ZNF483: variants seen among roughly 807,000 people sequenced by gnomAD.
ZNF483 encodes zinc finger protein HIT-10.
Under a neutral mutation model 28.6 loss-of-function variants are expected in ZNF483, and 9 were observed. That is an observed-to-expected ratio of 0.32 (90% CI 0.19 to 0.55). The LOEUF (loss-of-function observed/expected upper bound fraction) is 0.55, where lower values mean the gene tolerates loss of function less well. Among genes scored for constraint, ZNF483 ranks in the 20% least tolerant of loss-of-function variants. ZNF483 has a pLI of 0.93. For synonymous variants in ZNF483, 322 were observed against 306.2 expected (o/e 1.05, Z -0.54); for missense variants, 675 against 871.7 (o/e 0.77, Z 2.84).
At chr9:111,536,720 G>A (rs764722388) in intron 5 of ZNF483, among the ~76,000 whole-genome samples, 16 of 138,470 alleles carry the variant, frequency 1.2e-4, no homozygotes, top group South Asian at 2.3e-4. Flanking sequence ...CCCCGCCCCC[G>A]TACAGTTGAA....
At chr9:111,559,167 A>G (rs761270757), downstream of ZNF483, among the ~76,000 whole-genome samples, 8 of 151,854 alleles carry the variant, frequency 5.3e-5, no homozygotes, top group East Asian at 1.9e-4. Context: ...TTGGGATCCA[A>G]CCGCCCATAC....
Position 111,527,627 on chromosome 9 carries a change from A to G in ZNF483, c.232A>G (p.Asn78Asp), listed in dbSNP as rs766800106. Reference sequence around the variant, plus strand: ...TCTGAGTCAACTCTGGGAGCTCTGCAATCAGTGGCTGAGACCAGACATTCA... The same window carrying G: ...TCTGAGTCAACTCTGGGAGCTCTGCGATCAGTGGCTGAGACCAGACATTCA... Reference protein sequence around the residue: ...KALSQLWELCNQWLRPDIHTK... With the variant: ...KALSQLWELCDQWLRPDIHTK... The change falls in exon 2 of 6, where the codon AAT (asparagine) becomes GAT (aspartate). Residue 78 changes from asparagine to aspartate, a missense_variant. Physicochemically the swap from Asn to Asp is conservative, Grantham distance 23 (BLOSUM62 1). Coordinates refer to ENST00000309235, the MANE Select transcript of ZNF483 (RefSeq NM_133464.5). The G allele has an allele frequency of 1.9e-6, 3 of 1,614,190 alleles. No individual in the cohort carries two copies. The highest frequency in any genetic ancestry group is 2.5e-6 in the Non-Finnish European group (3 of 1,180,040).
intron 5 of ZNF483, among the ~76,000 whole-genome samples, chr9:111,572,938 A>G (rs80137566): frequency 6.6e-6 from 1 of 152,010 alleles, no homozygotes; most frequent in Non-Finnish European, 1.5e-5. Context: ...TTTTACTGAG[A>G]GCAAAAAAGC....
At chr9:111,528,147 T>A in intron 2 of ZNF483, 1 of 956,222 alleles carries the variant, frequency 1.0e-6, no homozygotes, top group South Asian at 1.9e-5. Flanking sequence ...GTGTTTGGAG[T>A]CACAGGCAAA....
In ZNF483 at chr9:111,555,127, A is replaced by C. The variant is rs1828084469; in HGVS notation, c.*11957A>C. Among the ~76,000 whole-genome samples the C allele has an allele frequency of 6.6e-6, 1 of 152,120 alleles. No homozygotes were observed. Among genetic ancestry groups the C allele is most frequent in the Non-Finnish European group, 1.5e-5 (1 of 68,032 alleles). On this transcript the variant is annotated 3_prime_UTR_variant, in exon 6 of 6. Transcript: ENST00000309235. Reference sequence around the variant, plus strand: ...TTCATCCCCTTTTATTCAGACTTCCACTTAGTATCCTGTTTTTAGTCTTCT... The same window carrying C: ...TTCATCCCCTTTTATTCAGACTTCCCCTTAGTATCCTGTTTTTAGTCTTCT...
rs894107950 is a variant in ZNF483, at chr9:111,568,143, C to T, written c.722-8222C>T. The stretch of plus-strand genomic sequence containing the variant: ...GACAACCATAAGGTCTAACTGCCTG[C>T]GGGGTTGGGAAAAACACAGCCATAT... On this transcript the variant is annotated intron_variant, in intron 5 of 5. Transcript: ENST00000358151. Among the ~76,000 whole-genome samples, 8 of 152,144 alleles carry T rather than the reference C, an allele frequency of 5.3e-5. No homozygotes were observed. The East Asian group carries it at 5.8e-4, about 11-fold the overall frequency.
intron 5 of ZNF483, among the ~76,000 whole-genome samples, chr9:111,569,472 G>A (rs930745026): frequency 3.3e-5 from 5 of 152,212 alleles, no homozygotes; most frequent in Non-Finnish European, 5.9e-5. Context: ...AGGGTCCCCT[G>A]TGACCTTGAC....
In ZNF483 at chr9:111,550,175, G is replaced by A. The variant is rs1479549622; in HGVS notation, c.*7005G>A. 6.6e-6 allele frequency among the ~76,000 whole-genome samples: 1 copy of A among 152,104 alleles called. No individual in the cohort carries two copies. Among genetic ancestry groups the A allele is most frequent in the South Asian group, 2.1e-4 (1 of 4,830 alleles). On this transcript the variant is annotated 3_prime_UTR_variant, in exon 6 of 6. Transcript: ENST00000309235. ...TGTCTCAATTCTTTACAGAGCCTGC[G>A]TTTTTCCCTGGGCGGGAGCAATGGC...
rs866297418 is a variant in ZNF483 at position 111,551,410 on chromosome 9, T to G, written c.*8240T>G. Reference sequence around the variant, plus strand: ...AAGTATCCAGTTTTTGTTTTTTTTTTTTTTTTTTTTTTTTTGAGATGGAGT... The same window carrying G: ...AAGTATCCAGTTTTTGTTTTTTTTTGTTTTTTTTTTTTTTTGAGATGGAGT... On this transcript the variant is annotated 3_prime_UTR_variant, in exon 6 of 6. Transcript: ENST00000309235. Among the ~76,000 whole-genome samples the G allele has an allele frequency of 0.018, 2,509 of 136,460 alleles. 59 individuals are homozygous for G. Among genetic ancestry groups the G allele is most frequent in the African/African-American group, 0.061 (2,232 of 36,868 alleles). 89.5% of individuals were successfully genotyped at this position (136,460 alleles called of 152,430 possible).
At chr9:111,535,606 C>T (rs1335520186) in intron 5 of ZNF483, among the ~76,000 whole-genome samples, 5 of 151,622 alleles carry the variant, frequency 3.3e-5, no homozygotes, top group East Asian at 2.0e-4. Flanking sequence ...TGCAGTGGTG[C>T]AGTCTCAGCT....
intron 5 of ZNF483, chr9:111,576,307 A>G: frequency 6.3e-7 from 1 of 1,596,780 alleles, no homozygotes; most frequent in African/African-American, 1.3e-5. Flanking sequence ...ACTACTTGCT[A>G]AAATTTTATT....
In ZNF483 at chr9:111,560,629, A is replaced by G. The variant is rs890683051; in HGVS notation, c.722-15736A>G. Among the ~76,000 whole-genome samples, 6 of 94,862 alleles carry G rather than the reference A, an allele frequency of 6.3e-5. No individual in the cohort carries two copies. The East Asian group carries it at 1.3e-3, about 21-fold the overall frequency. The allele number at this position is 94,862 out of a possible 152,430, so 62.2% of individuals were successfully genotyped here. A position where few individuals can be genotyped will look rare whatever the true frequency, so the allele number is the denominator to read the frequency against. Reference sequence around the variant, plus strand: ...GCACGTCAGCCTGGGAGACAGAGACACCATCTCAAAAAAAAAAAAAAAAAA... The same window carrying G: ...GCACGTCAGCCTGGGAGACAGAGACGCCATCTCAAAAAAAAAAAAAAAAAA... On this transcript the variant is annotated intron_variant, in intron 5 of 5. Transcript: ENST00000358151.
downstream of ZNF483, among the ~76,000 whole-genome samples, chr9:111,556,424 TC>T (rs1347104514): frequency 3.3e-5 from 5 of 152,346 alleles, no homozygotes; most frequent in African/African-American, 1.2e-4. Flanking sequence ...TGTAGGGGGC[TC>T]CATCCCCATG....
chr9:111,545,184 G>A lies in ZNF483; in HGVS notation c.*2014G>A, dbSNP rs188123415. Among the ~76,000 whole-genome samples, 1 of 152,226 alleles carries A rather than the reference G, an allele frequency of 6.6e-6. No individual in the cohort carries two copies. Among genetic ancestry groups the A allele is most frequent in the East Asian group, 1.9e-4 (1 of 5,182 alleles). Reference sequence around the variant, plus strand: ...ATCACATCCTAGCCATGAAAGGAATGTTTATTATGAGAATCATTCATAATG... The same window carrying A: ...ATCACATCCTAGCCATGAAAGGAATATTTATTATGAGAATCATTCATAATG... On this transcript the variant is annotated 3_prime_UTR_variant, in exon 6 of 6. Transcript: ENST00000309235.
rs751792658 is a variant in ZNF483 at position 111,549,809 on chromosome 9, C to T, written c.*6639C>T. On this transcript the variant is annotated 3_prime_UTR_variant, in exon 6 of 6. Transcript: ENST00000309235. Reference sequence around the variant, plus strand: ...CATTTTCTCTTTTGATCTGTCAACACAATCAGAACATTTAGCTCTTTGAGC... The same window carrying T: ...CATTTTCTCTTTTGATCTGTCAACATAATCAGAACATTTAGCTCTTTGAGC... 6.7e-7 allele frequency: 1 copy of T among 1,485,174 alleles called. No homozygotes were observed. The highest frequency in any genetic ancestry group is 1.2e-5 in the South Asian group (1 of 82,748). The allele number at this position is 1,485,174 out of a possible 1,614,324, so 92.0% of individuals were successfully genotyped here. A position where few individuals can be genotyped will look rare whatever the true frequency, so the allele number is the denominator to read the frequency against.
rs1358627071 is a variant in ZNF483, at chr9:111,545,446, T to C, written c.*2276T>C. ...TTATTGAGGTACAAATTACATATCA[T>C]TAAAACCATTTCAAGTGTACAATTC... On this transcript the variant is annotated 3_prime_UTR_variant, in exon 6 of 6. Coordinates refer to ENST00000309235, the MANE Select transcript of ZNF483 (RefSeq NM_133464.5). 6.6e-6 allele frequency among the ~76,000 whole-genome samples: 1 copy of C among 152,194 alleles called. No individual in the cohort carries two copies. Among genetic ancestry groups the C allele is most frequent in the Non-Finnish European group, 1.5e-5 (1 of 68,030 alleles).
In ZNF483 at chr9:111,530,928, A is replaced by G. The variant is rs772103297; in HGVS notation, c.466A>G (p.Lys156Glu). The G allele has an allele frequency of 1.9e-6, 3 of 1,559,630 alleles. No homozygotes were observed. Among genetic ancestry groups the G allele is most frequent in the Admixed American group, 1.7e-5 (1 of 58,494 alleles). The change falls in exon 3 of 6, where the codon AAA (lysine) becomes GAA (glutamate). Residue 156 changes from lysine (K) to glutamate (E), a missense_variant. By Grantham distance (56) the Lys-to-Glu change is moderately conservative. Coordinates refer to ENST00000309235, the MANE Select transcript of ZNF483 (RefSeq NM_133464.5). ...VSQEENSKED[K>E]MVTVCPNTES... ...CCAAGAGGAGAACTCAAAAGAGGAT[A>G]AAATGGTCACTGTTTGTCCCAATAC... is the stretch of plus-strand genomic sequence containing the variant.
Position 111,545,174 on chromosome 9 carries a change from T to C in ZNF483, c.*2004T>C, listed in dbSNP as rs572469613. 6.2e-4 allele frequency among the ~76,000 whole-genome samples: 95 copies of C among 152,310 alleles called. No homozygotes were observed. The highest frequency in any genetic ancestry group is 2.2e-3 in the African/African-American group (90 of 41,572). The stretch of plus-strand genomic sequence containing the variant: ...AGACCAACGAATCACATCCTAGCCA[T>C]GAAAGGAATGTTTATTATGAGAATC... On this transcript the variant is annotated 3_prime_UTR_variant, in exon 6 of 6. Coordinates refer to ENST00000309235, the MANE Select transcript of ZNF483 (RefSeq NM_133464.5).
intron 5 of ZNF483, chr9:111,574,795 A>G (rs1828983659): frequency 1.2e-6 from 2 of 1,613,868 alleles, no homozygotes; most frequent in Admixed American, 1.7e-5. Flanking sequence ...CAATCCTTCC[A>G]AATTTCTTCA....
Sources: allele counts gnomAD v4.1 joint callset (sites outside exome capture counted in the v4.1 genomes callset), GRCh38; gene constraint gnomAD v4.1.1; transcripts MANE v1.5; gene names NCBI Gene and HGNC (gene_info 2026-07-23, HGNC 2026-07-21).